The following NTM variants were observed in gnomAD, a reference collection of about 807,000 sequenced individuals.
NTM encodes the protein neurotrimin.
A neutral mutation model predicts 42.1 loss-of-function variants in NTM; 13 were observed. The ratio of observed to expected loss-of-function variants is 0.31; its 90% CI spans 0.20 to 0.49. The LOEUF is 0.49. Among genes scored for constraint, NTM ranks in the 20% least tolerant of loss-of-function variants. The pLI, the probability that NTM is intolerant of heterozygous loss-of-function variation, is 0.99. For synonymous variants in NTM, 187 were observed against 179.2 expected (o/e 1.04, Z -0.35); for missense variants, 373 against 452.8 (o/e 0.82, Z 1.60).
chr11:131,803,533 C>T (rs951394123), intron 1 of NTM, among the ~76,000 whole-genome samples: 3 of 152,198 alleles, frequency 2.0e-5, no homozygotes, highest in Non-Finnish European at 4.4e-5. Flanking sequence ...TAGTCTCAAA[C>T]TCCTGACCTC....
intron 2 of NTM, among the ~76,000 whole-genome samples, chr11:131,919,222 T>A (rs953004494): frequency 6.6e-6 from 1 of 152,136 alleles, no homozygotes; most frequent in Non-Finnish European, 1.5e-5. Flanking sequence ...AAGTCTCCAC[T>A]GATGAGTAAA....
At chr11:132,036,029 T>C (rs940757188) in intron 2 of NTM, among the ~76,000 whole-genome samples, 1 of 152,170 alleles carries the variant, frequency 6.6e-6, no homozygotes, top group Non-Finnish European at 1.5e-5. Context: ...TCAGTTCTAG[T>C]TACCATGTAA....
chr11:131,464,711 C>G (rs1951729455), intron 1 of NTM, among the ~76,000 whole-genome samples: 1 of 152,214 alleles, frequency 6.6e-6, no homozygotes, highest in Non-Finnish European at 1.5e-5. Context: ...GCCAGGACGC[C>G]CTTCTGCCGG....
intron 1 of NTM, among the ~76,000 whole-genome samples, chr11:131,875,847 T>G (rs971742090): frequency 2.4e-4 from 36 of 152,152 alleles, no homozygotes; most frequent in Non-Finnish European, 4.6e-4. Flanking sequence ...GATTACTCCC[T>G]TTAGTGGAAG....
intron 1 of NTM, among the ~76,000 whole-genome samples, chr11:131,905,192 CAGATT>C (rs1592717533): frequency 6.6e-6 from 1 of 152,178 alleles, no homozygotes; most frequent in African/African-American, 2.4e-5. Context: ...CACTATTTTA[CAGATT>C]AGATTAGGGC....
At chr11:131,585,568 G>A (rs917837071) in intron 1 of NTM, among the ~76,000 whole-genome samples, 1 of 152,186 alleles carries the variant, frequency 6.6e-6, no homozygotes, top group African/African-American at 2.4e-5. Context: ...GAGTGCAGAC[G>A]GTGGCTACTC....
intron 1 of NTM, among the ~76,000 whole-genome samples, chr11:131,522,614 T>C (rs2049907258): frequency 6.6e-6 from 1 of 152,232 alleles, no homozygotes; most frequent in South Asian, 2.1e-4. Context: ...ATTAAAGTGC[T>C]GCAAATACGA....
At chr11:131,471,232 A>G (rs187983162) in intron 1 of NTM, among the ~76,000 whole-genome samples, 4 of 152,248 alleles carry the variant, frequency 2.6e-5, no homozygotes, top group African/African-American at 9.6e-5. Context: ...TCTATCTGTG[A>G]TTTCTCTAAA....
rs535031578 is a variant in NTM at position 131,796,800 on chromosome 11, C to A, written c.83-114764C>A. ...AGTAACAGCAGTTCTCTGTCATGCA[C>A]CAATGACGGCAATGCCTGATCTATC... is the stretch of plus-strand genomic sequence containing the variant. On this transcript the variant is annotated intron_variant, in intron 1 of 8. Transcript: ENST00000683400. Among the ~76,000 whole-genome samples, 3 of 152,290 alleles carry A rather than the reference C, an allele frequency of 2.0e-5. No homozygotes were observed. The South Asian group carries it at 6.2e-4, about 32-fold the overall frequency.
chr11:131,639,261 C>T (rs1008600471), intron 1 of NTM, among the ~76,000 whole-genome samples: 1 of 151,514 alleles, frequency 6.6e-6, no homozygotes, highest in Admixed American at 6.6e-5. Context: ...GAAAGTGATA[C>T]TACTACTTTG....
chr11:131,746,751 G>A (rs963746748), intron 1 of NTM, among the ~76,000 whole-genome samples: 2 of 152,036 alleles, frequency 1.3e-5, no homozygotes, highest in African/African-American at 4.8e-5. Context: ...CATATGCTTG[G>A]CATTTTTATA....
chr11:132,041,189 T>TTGTGGGTGTG (rs367991590), intron 2 of NTM, among the ~76,000 whole-genome samples: 1 of 125,974 alleles, frequency 7.9e-6, no homozygotes, highest in African/African-American at 3.5e-5. Flanking sequence ...GCCTTTTTGT[T>TTGTGGGTGTG]TGTGTGTGGG....
intron 1 of NTM, among the ~76,000 whole-genome samples, chr11:131,424,590 C>CTTTTTTTTTTTTTTTT (rs1565486929): frequency 1.9e-5 from 1 of 51,650 alleles, no homozygotes; most frequent in East Asian, 5.8e-4. Flanking sequence ...TTTTTTATTT[C>CTTTTTTTTTTTTTTTT]TTTTCTTTTC....
At chr11:131,508,891 TGGGGGAG>T (rs1399640841) in intron 1 of NTM, among the ~76,000 whole-genome samples, 1 of 57,064 alleles carries the variant, frequency 1.8e-5, no homozygotes, top group Non-Finnish European at 3.6e-5. Context: ...GTTGTGGGGT[TGGGGGAG>T]GGGGGAGGGA....
intron 2 of NTM, among the ~76,000 whole-genome samples, chr11:131,948,601 C>A (rs111439001): frequency 2.4e-4 from 37 of 152,238 alleles, no homozygotes; most frequent in African/African-American, 8.9e-4. Flanking sequence ...CGGTTCAGCC[C>A]TTTAGCCACA....
intron 2 of NTM, among the ~76,000 whole-genome samples, chr11:132,089,337 C>CA (rs2060119062): frequency 1.3e-5 from 2 of 151,986 alleles, no homozygotes; most frequent in Non-Finnish European, 1.5e-5. Context: ...TTCAATTCTT[C>CA]AAAAAAATGC....
intron 1 of NTM, among the ~76,000 whole-genome samples, chr11:131,705,037 G>T (rs2076456569): frequency 6.6e-6 from 1 of 152,194 alleles, no homozygotes; most frequent in African/African-American, 2.4e-5. Flanking sequence ...ATCAGACAAA[G>T]AGAATGGGGC....
chr11:132,161,372 T>C (rs1388594550), intron 3 of NTM, among the ~76,000 whole-genome samples: 1 of 9,076 alleles, frequency 1.1e-4, no homozygotes, highest in Non-Finnish European at 2.5e-4. Context: ...TCGAGCAGCT[T>C]TTTTTTTTTT....
chr11:132,248,597 T>G (rs534399502), intron 4 of NTM, among the ~76,000 whole-genome samples: 10 of 152,336 alleles, frequency 6.6e-5, no homozygotes, highest in African/African-American at 2.2e-4. Flanking sequence ...TTGTTTGTTC[T>G]TTCTGAAAGA....
Sources: allele counts gnomAD v4.1 joint callset (sites outside exome capture counted in the v4.1 genomes callset), GRCh38; gene constraint gnomAD v4.1.1; transcripts MANE v1.5; gene names NCBI Gene and HGNC (gene_info 2026-07-23, HGNC 2026-07-21).